The following SYNPO2 variants were observed in gnomAD, a reference collection of about 807,000 sequenced individuals.
SYNPO2 encodes synaptopodin 2.
In SYNPO2, 56 loss-of-function variants were observed where a neutral mutation model predicts 85.0. That is an observed-to-expected ratio of 0.66 (90% confidence interval 0.53 to 0.82). SYNPO2 has a LOEUF of 0.82. SYNPO2 is among the 40% of genes least tolerant of loss of function. SYNPO2 has a pLI of 0.00. For synonymous variants in SYNPO2, 602 were observed against 591.1 expected (o/e 1.02, Z -0.27); for missense variants, 1,575 against 1,534.2 (o/e 1.03, Z -0.44).
intron 1 of SYNPO2, among the ~76,000 whole-genome samples, chr4:118,973,487 T>G (rs1735614258): frequency 6.6e-6 from 1 of 152,118 alleles, no homozygotes; most frequent in African/African-American, 2.4e-5. Context: ...GAGGATGAAT[T>G]AATCCCTGTG....
Position 119,031,656 on chromosome 4 carries a change from GCATTAGATGTCATGA to G in SYNPO2, c.2882_2896del (p.Ala961_Lys966delinsGlu). ...GAAAAAGGGAAAGAAACCCCTCAAT[GCATTAGATGTCATGA>G]AGCACCAACCGTATCAGCTCAATGC... On this transcript the variant is annotated inframe_deletion, in exon 4 of 5. Coordinates refer to ENST00000307142, the MANE Select transcript of SYNPO2 (RefSeq NM_133477.3). 1 of 1,614,148 alleles carries G rather than the reference GCATTAGATGTCATGA, an allele frequency of 6.2e-7. No individual in the cohort carries two copies. Among genetic ancestry groups the G allele is most frequent in the Non-Finnish European group, 8.5e-7 (1 of 1,180,038 alleles).
At chr4:119,017,239 C>G (rs1737556653) in intron 1 of SYNPO2, among the ~76,000 whole-genome samples, 1 of 152,064 alleles carries the variant, frequency 6.6e-6, no homozygotes, top group African/African-American at 2.4e-5. Context: ...AACTGAATCC[C>G]AAGGACTGAG....
chr4:119,013,181 A>T (rs1737395566), intron 1 of SYNPO2, among the ~76,000 whole-genome samples: 1 of 152,210 alleles, frequency 6.6e-6, no homozygotes, highest in Non-Finnish European at 1.5e-5. Context: ...AGCCCTTAGC[A>T]TTCAAGGCGG....
At chr4:118,898,147 C>G (rs1240506931) in intron 1 of SYNPO2, among the ~76,000 whole-genome samples, 1 of 152,060 alleles carries the variant, frequency 6.6e-6, no homozygotes, top group Non-Finnish European at 1.5e-5. Flanking sequence ...CTTCAAGCAG[C>G]TGACCATTTT....
intron 1 of SYNPO2, among the ~76,000 whole-genome samples, chr4:118,953,284 G>T (rs1216438524): frequency 6.6e-6 from 1 of 152,136 alleles, no homozygotes; most frequent in Non-Finnish European, 1.5e-5. Flanking sequence ...CTTTTAATGA[G>T]CACACCATTG....
intron 1 of SYNPO2, among the ~76,000 whole-genome samples, chr4:118,990,993 A>G (rs1352110527): frequency 6.6e-6 from 1 of 152,184 alleles, no homozygotes; most frequent in Admixed American, 6.5e-5. Flanking sequence ...ATGCAGCCTG[A>G]ACTGGGCCAA....
intron 1 of SYNPO2, among the ~76,000 whole-genome samples, chr4:118,958,564 G>T (rs1734961565): frequency 6.6e-6 from 1 of 152,046 alleles, no homozygotes; most frequent in African/African-American, 2.4e-5. Flanking sequence ...ATGGAGGAGG[G>T]GGGTCAAAAG....
At chr4:119,036,147 A>T in intron 4 of SYNPO2, 3 of 985,456 alleles carry the variant, frequency 3.0e-6, no homozygotes, top group Non-Finnish European at 3.6e-6. Context: ...GATGAGTCAC[A>T]ACTGGCCCAG....
chr4:118,982,031 T>G (rs1736029937), intron 1 of SYNPO2, among the ~76,000 whole-genome samples: 2 of 152,132 alleles, frequency 1.3e-5, no homozygotes, highest in African/African-American at 4.8e-5. Flanking sequence ...GGAGGAAATA[T>G]GCAGCGTGGG....
intron 4 of SYNPO2, chr4:119,034,034 G>A: frequency 2.0e-6 from 2 of 985,362 alleles, no homozygotes; most frequent in Non-Finnish European, 2.4e-6. Flanking sequence ...TCTCTTATTT[G>A]CCTTTTTGGG....
In SYNPO2 at chr4:119,049,517, G is replaced by C. The variant is rs143912137; in HGVS notation, c.3253-7884G>C. ...CTTTCAAGGTTTATGGTATAAAATA[G>C]TTTAAACTTTGACTCACGACACATA... On this transcript the variant is annotated intron_variant, in intron 4 of 4. Transcript: ENST00000307142. 1.6e-3 allele frequency among the ~76,000 whole-genome samples: 249 copies of C among 152,268 alleles called. 1 individual carries two copies. The highest frequency in any genetic ancestry group is 5.8e-3 in the African/African-American group (241 of 41,548).
upstream of SYNPO2, among the ~76,000 whole-genome samples, chr4:118,887,387 G>C (rs1046461172): frequency 1.3e-5 from 2 of 152,118 alleles, no homozygotes; most frequent in African/African-American, 4.8e-5. Flanking sequence ...TCACACAAAT[G>C]CACAGCAATA....
intron 1 of SYNPO2, among the ~76,000 whole-genome samples, chr4:118,988,601 C>T (rs773145465): frequency 1.3e-5 from 2 of 152,138 alleles, no homozygotes; most frequent in Non-Finnish European, 2.9e-5. Flanking sequence ...ACGAGTTATT[C>T]TGAAAAACAT....
chr4:118,987,506 T>C (rs541480177), intron 1 of SYNPO2, among the ~76,000 whole-genome samples: 1 of 152,070 alleles, frequency 6.6e-6, no homozygotes, highest in African/African-American at 2.4e-5. Context: ...CGACAAAAAA[T>C]AAAACAAAGT....
chr4:119,039,304 C>G (rs1435984457), intron 4 of SYNPO2, among the ~76,000 whole-genome samples: 9 of 152,138 alleles, frequency 5.9e-5, no homozygotes, highest in African/African-American at 1.7e-4. Flanking sequence ...TGGCCATCAT[C>G]TAATCACAAG....
chr4:118,976,294 C>A (rs528050295), intron 1 of SYNPO2, among the ~76,000 whole-genome samples: 3 of 151,990 alleles, frequency 2.0e-5, no homozygotes, highest in Admixed American at 2.0e-4. Flanking sequence ...CTTAAGGCAG[C>A]GCGTCTGGAG....
At chr4:119,004,844 C>T (rs1388408737) in intron 1 of SYNPO2, among the ~76,000 whole-genome samples, 3 of 152,040 alleles carry the variant, frequency 2.0e-5, no homozygotes, top group Non-Finnish European at 2.9e-5. Flanking sequence ...GTCCCACCAA[C>T]AGTGTAAAAG....
chr4:118,851,275 A>G (rs900742182), intron 1 of SYNPO2, among the ~76,000 whole-genome samples: 1 of 152,134 alleles, frequency 6.6e-6, no homozygotes, highest in Non-Finnish European at 1.5e-5. Flanking sequence ...ATTCTTAAAA[A>G]TGATTGAGGA....
intron 4 of SYNPO2, chr4:119,034,081 G>A (rs1038753541): frequency 1.1e-4 from 109 of 985,252 alleles, no homozygotes; most frequent in Non-Finnish European, 1.3e-4. Flanking sequence ...AAGGAAAAAA[G>A]CAATCTATTC....
Sources: allele counts gnomAD v4.1 joint callset (sites outside exome capture counted in the v4.1 genomes callset), GRCh38; gene constraint gnomAD v4.1.1; transcripts MANE v1.5; gene names NCBI Gene and HGNC (gene_info 2026-07-23, HGNC 2026-07-21).